CADPS2: variants seen among roughly 807,000 people sequenced by gnomAD.
The protein encoded by CADPS2 is calcium-dependent secretion activator 2.
A neutral mutation model predicts 172.5 loss-of-function variants in CADPS2; 93 were observed. The ratio of observed to expected loss-of-function variants is 0.54; its 90% confidence interval spans 0.46 to 0.64. The LOEUF is 0.64. Ranked by LOEUF, CADPS2 falls within the 30% of genes least tolerant of loss-of-function variation. The probability of loss-of-function intolerance (pLI) is 0.00; values close to 1 mark genes in which losing one functional copy is unlikely to be tolerated. For synonymous variants in CADPS2, 546 were observed against 555.2 expected (o/e 0.98, Z 0.23); for missense variants, 1,420 against 1,565.9 (o/e 0.91, Z 1.57).
chr7:122,485,236 C>A (rs1485501975), intron 11 of CADPS2, among the ~76,000 whole-genome samples: 4 of 152,136 alleles, frequency 2.6e-5, no homozygotes, highest in Non-Finnish European at 4.4e-5. Flanking sequence ...TTAAAAGCTA[C>A]AAATGATCAT....
chr7:122,535,696 T>G (rs867659557), intron 8 of CADPS2, among the ~76,000 whole-genome samples: 7 of 152,076 alleles, frequency 4.6e-5, no homozygotes, highest in Admixed American at 1.3e-4. Context: ...TTTGGATTTT[T>G]GATAATAACT....
intron 8 of CADPS2, among the ~76,000 whole-genome samples, chr7:122,527,617 A>AGAGAGAGAGAGAGGGTGTGTGT: frequency 2.4e-5 from 2 of 83,886 alleles, no homozygotes; most frequent in Middle Eastern, 7.5e-3. Flanking sequence ...AGAGAGAGAG[A>AGAGAGAGAGAGAGGGTGTGTGT]GTGTGTGTGT....
At chr7:122,640,614 AAAAAATAAAAAAT>A (rs1246097900) in intron 3 of CADPS2, among the ~76,000 whole-genome samples, 1 of 151,972 alleles carries the variant, frequency 6.6e-6, no homozygotes, top group Admixed American at 6.6e-5. Flanking sequence ...GCTGTTCCCT[AAAAAATAAAAAAT>A]AAAAATAAAA....
intron 16 of CADPS2, 50 bp from the exon 17 acceptor site, chr7:122,438,514 G>C: frequency 6.3e-7 from 1 of 1,588,960 alleles, no homozygotes; most frequent in Non-Finnish European, 8.6e-7. Context: ...GGGATAGACA[G>C]ATGGAAGAAA....
In CADPS2 at chr7:122,471,575, AAAAG is replaced by A; in HGVS notation, c.1999-17_1999-14del. 17 of 1,548,332 alleles carry A rather than the reference AAAAG, an allele frequency of 1.1e-5. No individual in the cohort carries two copies. Among genetic ancestry groups the A allele is most frequent in the Non-Finnish European group, 1.4e-5 (16 of 1,147,656 alleles). ...GGCTAAACCATCCCTGCAAAATAAA[AAAAG>A]AATAGATATACATGTTTTTTCTTTC... On this transcript the variant is annotated splice_polypyrimidine_tract_variant and intron_variant, in intron 13 of 29. Transcript: ENST00000449022.
Position 122,720,564 on chromosome 7 carries a change from CTGTATATACATACACATGTATA to C in CADPS2, c.453+16369_453+16390del, listed in dbSNP as rs148534998. Among the ~76,000 whole-genome samples the C allele has an allele frequency of 3.7e-3, 562 of 150,972 alleles. 4 individuals are homozygous for C. Among genetic ancestry groups the C allele is most frequent in the African/African-American group, 5.1e-3 (211 of 41,190 alleles). ...TATGTGTATGTATATATGCATGTGT[CTGTATATACATACACATGTATA>C]TGTATATACATACATATATACGTAT... On this transcript the variant is annotated intron_variant, in intron 2 of 29. Coordinates refer to ENST00000449022, the MANE Select transcript of CADPS2 (RefSeq NM_017954.11).
intron 29 of CADPS2, among the ~76,000 whole-genome samples, chr7:122,321,329 GCTAA>G (rs2032451187): frequency 1.3e-5 from 2 of 152,206 alleles, no homozygotes; most frequent in South Asian, 4.1e-4. Flanking sequence ...ACTGCGCTCG[GCTAA>G]CTTTTAAATT....
intron 1 of CADPS2, among the ~76,000 whole-genome samples, chr7:122,743,506 C>T (rs2092589263): frequency 6.6e-6 from 1 of 152,130 alleles, no homozygotes; most frequent in Non-Finnish European, 1.5e-5. Context: ...ACAGTGGAAG[C>T]TGTGTGACAT....
At chr7:122,360,734 A>T in intron 27 of CADPS2, 54 bp downstream of exon 27, 2 of 1,473,678 alleles carry the variant, frequency 1.4e-6, no homozygotes, top group Non-Finnish European at 1.8e-6. Flanking sequence ...ATGAACTGCA[A>T]TTTTTTTTTA....
chr7:122,584,114 C>T (rs2069280923), intron 6 of CADPS2, among the ~76,000 whole-genome samples: 1 of 151,412 alleles, frequency 6.6e-6, no homozygotes, highest in Non-Finnish European at 1.5e-5. Context: ...TTGTATTCTC[C>T]ATGTTTGGTT....
chr7:122,732,762 C>CCTTCAACATACATTATGT (rs1378007830), intron 2 of CADPS2, among the ~76,000 whole-genome samples: 1 of 141,024 alleles, frequency 7.1e-6, no homozygotes. Context: ...TCAAGCCAAT[C>CCTTCAACATACATTATGT]CTTCAACATA....
intron 6 of CADPS2, 133 bp from the exon 7 acceptor site, chr7:122,581,423 T>C: frequency 1.5e-6 from 1 of 645,786 alleles, no homozygotes. Flanking sequence ...TGCTTTTGTT[T>C]CTAGCAGATG....
intron 1 of CADPS2, among the ~76,000 whole-genome samples, chr7:122,751,428 T>C (rs2092949966): frequency 1.3e-5 from 2 of 152,116 alleles, no homozygotes; most frequent in African/African-American, 4.8e-5. Context: ...GAGAGCATAG[T>C]TTCGTGGAAA....
intron 20 of CADPS2, among the ~76,000 whole-genome samples, chr7:122,407,289 C>T (rs1183844987): frequency 6.6e-6 from 1 of 152,104 alleles, no homozygotes; most frequent in Admixed American, 6.6e-5. Context: ...AAGAAGGGTG[C>T]CTAGGTTATC....
At chr7:122,635,078 A>G (rs1304861382) in intron 3 of CADPS2, among the ~76,000 whole-genome samples, 1 of 152,140 alleles carries the variant, frequency 6.6e-6, no homozygotes, top group African/African-American at 2.4e-5. Flanking sequence ...GCATGTGTCA[A>G]TCTTAGAATA....
chr7:122,706,144 C>A (rs2087399558), intron 2 of CADPS2, among the ~76,000 whole-genome samples: 1 of 66,258 alleles, frequency 1.5e-5, no homozygotes, highest in Non-Finnish European at 2.7e-5. Context: ...CTTATATATT[C>A]AAGGAATATA....
At position 122,490,023 on chromosome 7, in the gene CADPS2, T is replaced by A. The variant is rs563174932; in HGVS notation, c.1852+58A>T. Reference sequence around the variant, plus strand: ...ATAATACTGAATACATTTGCCTCAATTTTATATCTTATTAAGGCTATTAAT... The same window carrying A: ...ATAATACTGAATACATTTGCCTCAAATTTATATCTTATTAAGGCTATTAAT... On this transcript the variant is annotated intron_variant, in intron 11 of 29. Transcript: ENST00000449022. The A allele has an allele frequency of 5.3e-5, 79 of 1,479,326 alleles. No homozygotes were observed. The African/African-American group carries it at 1.0e-3, about 19-fold the overall frequency. The allele number at this position is 1,479,326 out of a possible 1,614,324, so 91.6% of individuals were successfully genotyped here.
intron 17 of CADPS2, among the ~76,000 whole-genome samples, chr7:122,428,589 T>C (rs932448821): frequency 1.3e-5 from 2 of 151,676 alleles, no homozygotes; most frequent in East Asian, 3.9e-4. Flanking sequence ...TGCTTCAGCC[T>C]CCCGAGTAGC....
chr7:122,366,660 C>CGTATATAT, intron 25 of CADPS2: 1 of 128,374 alleles, frequency 7.8e-6, no homozygotes, highest in East Asian at 2.1e-4. Flanking sequence ...TATATACATA[C>CGTATATAT]ACACATACAT....
Sources: gnomAD v4.1 joint callset for allele counts (sites outside exome capture counted in the v4.1 genomes callset) on GRCh38, gnomAD v4.1.1 for gene constraint, MANE v1.5 for transcripts, NCBI Gene and HGNC (gene_info 2026-07-23, HGNC 2026-07-21) for gene names.